PDE4B: variants seen among roughly 807,000 people sequenced by gnomAD.
PDE4B encodes phosphodiesterase 4B, also known as 3',5'-cyclic-AMP phosphodiesterase 4B.
Under a neutral mutation model 82.2 loss-of-function variants are expected in PDE4B, and 20 were observed. The ratio of observed to expected loss-of-function variants is 0.24; its 90% CI spans 0.17 to 0.35. The LOEUF (loss-of-function observed/expected upper bound fraction) is 0.35. PDE4B is among the 10% of genes least tolerant of loss of function. The pLI, the probability that PDE4B is intolerant of heterozygous loss-of-function variation, is 1.00. For synonymous variants in PDE4B, 320 were observed against 318.9 expected (o/e 1.00, Z -0.04); for missense variants, 655 against 907.2 (o/e 0.72, Z 3.57).
chr1:66,056,465 ATATCTATCTATCTATCTATCATCTATC>A (rs2100879348), intron 3 of PDE4B, among the ~76,000 whole-genome samples: 1 of 148,312 alleles, frequency 6.7e-6, no homozygotes, highest in African/African-American at 2.5e-5. Flanking sequence ...AGGAAATTTT[ATATCTATCTATCTATCTATCATCTATC>A]TATCTATCTA....
intron 3 of PDE4B, among the ~76,000 whole-genome samples, chr1:66,195,626 C>T (rs1024706025): frequency 6.6e-6 from 1 of 152,156 alleles, no homozygotes; most frequent in African/African-American, 2.4e-5. Context: ...GGGACAATTA[C>T]TTAGCTTTTC....
At chr1:66,109,802 G>T (rs138509502) in intron 3 of PDE4B, among the ~76,000 whole-genome samples, 1 of 151,928 alleles carries the variant, frequency 6.6e-6, no homozygotes, top group African/African-American at 2.4e-5. Flanking sequence ...CCCAAATAGT[G>T]AACATTGTGC....
At chr1:66,246,211 G>C (rs1238045340) in intron 3 of PDE4B, among the ~76,000 whole-genome samples, 5 of 152,202 alleles carry the variant, frequency 3.3e-5, no homozygotes. Flanking sequence ...CTCAAATGTA[G>C]AGTAGGATCA....
chr1:66,083,030 CAA>C (rs777945814), intron 3 of PDE4B, among the ~76,000 whole-genome samples: 16 of 152,204 alleles, frequency 1.1e-4, no homozygotes, highest in Middle Eastern at 6.8e-3. Flanking sequence ...CAAAGTATTT[CAA>C]AGTCTCTCCT....
intron 3 of PDE4B, among the ~76,000 whole-genome samples, chr1:66,100,200 C>T (rs184193751): frequency 3.9e-5 from 6 of 152,052 alleles, no homozygotes; most frequent in Admixed American, 1.3e-4. Flanking sequence ...ACTACAGGTG[C>T]GCACCACCAC....
intron 3 of PDE4B, among the ~76,000 whole-genome samples, chr1:66,177,643 C>T (rs1383871017): frequency 6.6e-6 from 1 of 152,164 alleles, no homozygotes; most frequent in Admixed American, 6.5e-5. Flanking sequence ...TCATAAGCTG[C>T]AGGCAGGAAA....
At chr1:65,874,609 T>C (rs1019245751) in intron 1 of PDE4B, among the ~76,000 whole-genome samples, 17 of 152,024 alleles carry the variant, frequency 1.1e-4, no homozygotes, top group Admixed American at 3.3e-4. Context: ...TATAGATCAA[T>C]GGAACAGAAC....
At chr1:66,142,781 A>G (rs1405305657) in intron 3 of PDE4B, among the ~76,000 whole-genome samples, 1 of 152,168 alleles carries the variant, frequency 6.6e-6, no homozygotes, top group Non-Finnish European at 1.5e-5. Flanking sequence ...ATCTTTTGTT[A>G]TCTGTCCACA....
At chr1:65,852,638 G>A (rs185024289) in intron 1 of PDE4B, among the ~76,000 whole-genome samples, 108 of 151,854 alleles carry the variant, frequency 7.1e-4, no homozygotes, top group Non-Finnish European at 7.1e-4. Flanking sequence ...AATTTTATAT[G>A]TTTTACTTTC....
chr1:66,369,137 A>G (rs778451120), intron 16 of PDE4B, among the ~76,000 whole-genome samples, 168 bp downstream of exon 16: 3 of 152,156 alleles, frequency 2.0e-5, no homozygotes, highest in Non-Finnish European at 4.4e-5. Context: ...TCTCCATTAC[A>G]CTCAGTTTCA....
At chr1:66,267,619 G>C (rs747355237) in intron 7 of PDE4B, 16 of 152,024 alleles carry the variant, frequency 1.1e-4, no homozygotes, top group Non-Finnish European at 1.8e-4. Flanking sequence ...TGACAACTAG[G>C]GATTCTTTTG....
chr1:65,902,987 G>GGATCTCT (rs1181388128), intron 1 of PDE4B, among the ~76,000 whole-genome samples: 1 of 152,104 alleles, frequency 6.6e-6, no homozygotes, highest in Non-Finnish European at 1.5e-5. Flanking sequence ...CAGCTTTTAT[G>GGATCTCT]GATCTCTATA....
At position 66,001,623 on chromosome 1, in the gene PDE4B, A is replaced by G. The variant is rs556047212; in HGVS notation, c.281+82788A>G. Among the ~76,000 whole-genome samples, 6 of 152,298 alleles carry G rather than the reference A, an allele frequency of 3.9e-5. No homozygotes were observed. In the South Asian group the frequency reaches 8.3e-4, roughly 21 times the overall value. On this transcript the variant is annotated intron_variant, in intron 3 of 16. Coordinates refer to ENST00000341517, the MANE Select transcript of PDE4B (RefSeq NM_002600.4). ...ATAAAGGTGATATAAACATTCATGT[A>G]TGGTTTTCTGGGTAAACATATATTC...
At chr1:65,854,496 T>C (rs1316740284) in intron 1 of PDE4B, among the ~76,000 whole-genome samples, 1 of 151,820 alleles carries the variant, frequency 6.6e-6, no homozygotes. Flanking sequence ...ATTTAAAAAA[T>C]ATATTCTCTA....
chr1:65,871,014 G>A lies in PDE4B; in HGVS notation c.-70-42231G>A, dbSNP rs565298491. On this transcript the variant is annotated intron_variant, in intron 1 of 16. Transcript: ENST00000341517. ...TCTAAGGGCAGCACTTCAGCCCCAG[G>A]GTATGATCAACATTGGAATCTTGGG... Among the ~76,000 whole-genome samples the A allele has an allele frequency of 5.9e-5, 9 of 152,198 alleles. No individual in the cohort carries two copies. The South Asian group carries it at 1.2e-3, about 21-fold the overall frequency.
At chr1:66,064,902 CCTAAA>C (rs1655768220) in intron 3 of PDE4B, among the ~76,000 whole-genome samples, 2 of 151,822 alleles carry the variant, frequency 1.3e-5, no homozygotes, top group African/African-American at 4.8e-5. Context: ...AGTCTTTTCC[CCTAAA>C]CTATATTATT....
At chr1:66,289,174 A>C (rs142884831) in intron 7 of PDE4B, among the ~76,000 whole-genome samples, 29 of 152,268 alleles carry the variant, frequency 1.9e-4, no homozygotes, top group African/African-American at 7.0e-4. Context: ...AGGCTGAGGC[A>C]GGAGGATCCC....
intron 3 of PDE4B, among the ~76,000 whole-genome samples, chr1:66,167,562 T>C (rs1039808264): frequency 6.6e-6 from 1 of 152,184 alleles, no homozygotes; most frequent in African/African-American, 2.4e-5. Context: ...TTGTAAACTG[T>C]GAATATATTA....
At chr1:65,879,989 A>G (rs958708295) in intron 1 of PDE4B, among the ~76,000 whole-genome samples, 1 of 152,194 alleles carries the variant, frequency 6.6e-6, no homozygotes, top group Non-Finnish European at 1.5e-5. Context: ...TCCCCAAAAC[A>G]TCTGTATTTG....
Sources: gnomAD v4.1 joint callset for allele counts (sites outside exome capture counted in the v4.1 genomes callset) on GRCh38, gnomAD v4.1.1 for gene constraint, MANE v1.5 for transcripts, NCBI Gene and HGNC (gene_info 2026-07-23, HGNC 2026-07-21) for gene names.